Variants in MYO1C observed in about 807,000 individuals in gnomAD.
MYO1C encodes the protein unconventional myosin-Ic.
Under a neutral mutation model 150.8 loss-of-function variants are expected in MYO1C, and 104 were observed. The ratio of observed to expected loss-of-function variants is 0.69; its 90% CI spans 0.59 to 0.81. MYO1C has a LOEUF of 0.81. MYO1C is among the 30% of genes least tolerant of loss of function. The pLI is 0.00. For missense variants in MYO1C, 1,504 were observed against 1,435.0 expected, an observed-to-expected ratio of 1.05 and a Z score of -0.78; for synonymous variants, 663 against 579.9, an observed-to-expected ratio of 1.14 and a Z score of -2.06.
intron 3 of MYO1C, among the ~76,000 whole-genome samples, 200 bp from the exon 4 acceptor site, chr17:1,483,259 G>A (rs955871726): frequency 2.6e-5 from 4 of 152,130 alleles, no homozygotes; most frequent in Non-Finnish European, 5.9e-5. Context: ...CGGGAGGACT[G>A]AGAGGCTCTC....
chr17:1,477,208 C>A, intron 14 of MYO1C: 1 of 291,720 alleles, frequency 3.4e-6, no homozygotes, highest in Non-Finnish European at 6.3e-6. Context: ...GACGGAGTCT[C>A]GCTCTTGTCA....
chr17:1,486,496 C>T (rs1286357147), intron 1 of MYO1C, among the ~76,000 whole-genome samples: 2 of 151,048 alleles, frequency 1.3e-5, no homozygotes, highest in Non-Finnish European at 2.9e-5. Context: ...TGGGCCCGGA[C>T]CTCCTCCCTC....
In MYO1C at chr17:1,467,789, C is replaced by T. The variant is rs755931102; in HGVS notation, c.2967+51G>A. 1.4e-5 allele frequency: 10 copies of T among 699,718 alleles called. 1 individual carries two copies. Among genetic ancestry groups the T allele is most frequent in the African/African-American group, 4.5e-5 (2 of 44,042 alleles). The allele number at this position is 699,718 out of a possible 1,614,324, so 43.3% of individuals were successfully genotyped here. On this transcript the variant is annotated intron_variant, in intron 29 of 31. Transcript: ENST00000648651. ...CTATTCCCCCATCCACCCCACCTCC[C>T]CATCTACCTCCCCCATCCCCCACCA...
intron 14 of MYO1C, 132 bp downstream of exon 14, chr17:1,477,373 G>A (rs539400008): frequency 5.1e-6 from 4 of 788,960 alleles, no homozygotes; most frequent in Non-Finnish European, 8.8e-6. Context: ...ACATGTGAGG[G>A]GTCCTTAACT....
Position 1,478,364 on chromosome 17 carries a change from C to G in MYO1C, c.1295+46G>C. 6.2e-7 allele frequency: 1 copy of G among 1,607,360 alleles called. No homozygotes were observed. On this transcript the variant is annotated intron_variant, in intron 11 of 31. Transcript: ENST00000648651. The surrounding 1 kb of genome is among the most constrained non-coding windows in gnomAD (Gnocchi z 6.3). ...AGGCTGGAGGACAGAAGAGAGGGAG[C>G]AGGACAGGAGACCGGGAGGAGAGAC...
Position 1,482,481 on chromosome 17 carries a change from G to A in MYO1C, c.624C>T (p.Phe208=), listed in dbSNP as rs1337646032. Reference sequence around the variant, plus strand: ...ACGACACACACATCCATGGTACCTTGAAGTCAAACTGCACATCCATGTACT... The same window carrying A: ...ACGACACACACATCCATGGTACCTTAAAGTCAAACTGCACATCCATGTACT... ...FGKYMDVQFD[F]KGAPVGGHIL... The change falls in exon 5 of 32, where the codon TTC becomes TTT. Residue 208 remains phenylalanine (F), a synonymous_variant. Transcript: ENST00000648651. 6.2e-7 allele frequency: 1 copy of A among 1,613,708 alleles called. No individual in the cohort carries two copies. Among genetic ancestry groups the A allele is most frequent in the Non-Finnish European group, 8.5e-7 (1 of 1,179,762 alleles).
chr17:1,470,877 G>A (rs896554094), intron 21 of MYO1C, 188 bp from the exon 22 acceptor site: 14 of 879,306 alleles, frequency 1.6e-5, no homozygotes, highest in African/African-American at 1.3e-4. Context: ...GGGATGGTGG[G>A]CGTGGGGCTG....
chr17:1,470,990 TG>T, intron 21 of MYO1C, 80 bp downstream of exon 21: 1 of 1,474,062 alleles, frequency 6.8e-7, no homozygotes, highest in Non-Finnish European at 9.4e-7. Context: ...GTGGACTCCC[TG>T]GAGAAGGAGC....
At chr17:1,480,394 G>C in intron 7 of MYO1C, 133 bp downstream of exon 7, 1 of 782,916 alleles carries the variant, frequency 1.3e-6, no homozygotes, top group Non-Finnish European at 2.2e-6. Flanking sequence ...GTTGCAGTGA[G>C]CTGAGATTGC....
chr17:1,471,059 CCT>C lies in MYO1C; in HGVS notation c.2212+10_2212+11del. 6.2e-7 allele frequency: 1 copy of C among 1,613,340 alleles called. No individual in the cohort carries two copies. The highest frequency in any genetic ancestry group is 8.5e-7 in the Non-Finnish European group (1 of 1,179,364). ...GACCCCGTGCAGCAGGAAGGGTAGG[CCT>C]CTCTCTCACCCAGGCTCTGCCGCCG... On this transcript the variant is annotated intron_variant, in intron 21 of 31. Coordinates refer to ENST00000648651, the MANE Select transcript of MYO1C (RefSeq NM_001080779.2).
At position 1,484,219 on chromosome 17, in the gene MYO1C, G is replaced by C. The variant is rs762872241; in HGVS notation, c.160C>G (p.Leu54Val). ...GCGGCCTCGCTGGTGAAGTTCTCCA[G>C]CAGCACGAAATCCTGCACCCCCACC... is the stretch of plus-strand genomic sequence containing the variant. ...DRVGVQDFVL[L>V]ENFTSEAAFI... The change falls in exon 2 of 32, where the codon CTG (leucine) becomes GTG (valine). Residue 54 changes from leucine to valine, a missense_variant. Transcript: ENST00000648651. The C allele has an allele frequency of 1.2e-6, 2 of 1,612,948 alleles. No homozygotes were observed. Among genetic ancestry groups the C allele is most frequent in the Non-Finnish European group, 1.7e-6 (2 of 1,180,020 alleles).
intron 17 of MYO1C, among the ~76,000 whole-genome samples, chr17:1,473,370 T>C (rs2074342516): frequency 6.6e-6 from 1 of 151,126 alleles, no homozygotes; most frequent in Admixed American, 6.6e-5. Context: ...GATACACGAG[T>C]CTGTGGCTTG....
chr17:1,478,499 C>G lies in MYO1C; in HGVS notation c.1213-7G>C. The G allele has an allele frequency of 6.2e-7, 1 of 1,614,126 alleles. No individual in the cohort carries two copies. Among genetic ancestry groups the G allele is most frequent in the East Asian group, 2.2e-5 (1 of 44,888 alleles). On this transcript the variant is annotated splice_region_variant and splice_polypyrimidine_tract_variant and intron_variant, in intron 10 of 31. Coordinates refer to ENST00000648651, the MANE Select transcript of MYO1C (RefSeq NM_001080779.2). The surrounding 1 kb of genome is among the most constrained non-coding windows in gnomAD (Gnocchi z 6.3). The stretch of plus-strand genomic sequence containing the variant: ...AGCTGGGGCTCTCCACGTCCTAGGG[C>G]AGTCATTCAACCGAAGGCGTGGGCC...
rs8076825 is a variant in MYO1C, at chr17:1,479,282, G to A, written c.1092+149C>T. 1 of 668,730 alleles carries A rather than the reference G, an allele frequency of 1.5e-6. No individual in the cohort carries two copies. Among genetic ancestry groups the A allele is most frequent in the Non-Finnish European group, 2.7e-6 (1 of 375,282 alleles). The allele number at this position is 668,730 out of a possible 1,614,324, so 41.4% of individuals were successfully genotyped here. A position where few individuals can be genotyped will look rare whatever the true frequency, so the allele number is the denominator to read the frequency against. ...TGCTGGGGTTACAGGCGTGAGCCACGGCGCTCGGCTCTCACTCTGCTTCTC... is the reference window on the plus strand; with the variant it reads ...TGCTGGGGTTACAGGCGTGAGCCACAGCGCTCGGCTCTCACTCTGCTTCTC... On this transcript the variant is annotated intron_variant, in intron 9 of 31. Transcript: ENST00000648651. The surrounding 1 kb of genome is among the most constrained non-coding windows in gnomAD (Gnocchi z 4.2).
Position 1,482,508 on chromosome 17 carries a change from C to T in MYO1C, c.597G>A (p.Gly199=). ...AGTCAAACTGCACATCCATGTACTTCCCGAACCTGCTGGAGTTATCGTTCC... is the reference window on the plus strand; with the variant it reads ...AGTCAAACTGCACATCCATGTACTTTCCGAACCTGCTGGAGTTATCGTTCC... ...TLRNDNSSRF[G]KYMDVQFDFK... is the part of the protein sequence containing the mutation. The change falls in exon 5 of 32, where the codon GGG becomes GGA. Residue 199 remains glycine (G), a synonymous_variant. Transcript: ENST00000648651. 6.2e-7 allele frequency: 1 copy of T among 1,614,104 alleles called. No individual in the cohort carries two copies. Among genetic ancestry groups the T allele is most frequent in the Non-Finnish European group, 8.5e-7 (1 of 1,180,000 alleles).
chr17:1,484,483 G>T, intron 1 of MYO1C, 180 bp from the exon 2 acceptor site: 1 of 718,274 alleles, frequency 1.4e-6, no homozygotes, highest in Non-Finnish European at 2.3e-6. Flanking sequence ...GGTGGGCCGG[G>T]TGCGGAAAGC....
chr17:1,488,314 C>T (rs1598350469), intron 1 of MYO1C, among the ~76,000 whole-genome samples: 1 of 152,194 alleles, frequency 6.6e-6, no homozygotes, highest in Non-Finnish European at 1.5e-5. Context: ...GGCGTCTCCG[C>T]CGCTCGCGGG....
Position 1,478,958 on chromosome 17 carries a change from A to T in MYO1C, c.1093-223T>A, listed in dbSNP as rs116742779. On this transcript the variant is annotated intron_variant, in intron 9 of 31. Coordinates refer to ENST00000648651, the MANE Select transcript of MYO1C (RefSeq NM_001080779.2). The surrounding 1 kb of genome is among the most constrained non-coding windows in gnomAD (Gnocchi z 6.3). ...CAGGAGGCCTCCTTCCCGAGGTGGG[A>T]GTCTGGTTCTAGCCGGACTGTTACT... Among the ~76,000 whole-genome samples, 1,706 of 152,174 alleles carry T rather than the reference A, an allele frequency of 0.011. 39 individuals carry two copies. Among genetic ancestry groups the T allele is most frequent in the African/African-American group, 0.039 (1,612 of 41,506 alleles).
At chr17:1,470,571 C>G in intron 22 of MYO1C, 50 bp downstream of exon 22, 6 of 1,578,570 alleles carry the variant, frequency 3.8e-6, no homozygotes, top group Non-Finnish European at 5.2e-6. Context: ...CATGGTGGCC[C>G]CCCCTGGCCC....
Sources: allele counts gnomAD v4.1 joint callset (sites outside exome capture counted in the v4.1 genomes callset), GRCh38; gene constraint gnomAD v4.1.1; non-coding constraint Gnocchi (gnomAD v3.1); transcripts MANE v1.5; gene names NCBI Gene and HGNC (gene_info 2026-07-23, HGNC 2026-07-21).